The following CDH1 variants were observed in gnomAD, a reference collection of about 807,000 sequenced individuals.
CDH1 encodes the protein cadherin-1.
In CDH1, 35 loss-of-function variants were observed where a neutral mutation model predicts 84.5. The observed-to-expected ratio is 0.41, with a 90% confidence interval of 0.32 to 0.55. The LOEUF is 0.55. CDH1 is among the 20% of genes least tolerant of loss of function. The pLI, the probability that CDH1 is intolerant of heterozygous loss-of-function variation, is 0.19. For synonymous variants in CDH1, 417 were observed against 439.0 expected (o/e 0.95, Z 0.63); for missense variants, 994 against 1,126.6 (o/e 0.88, Z 1.68).
At chr16:68,757,935 A>C (rs1963057099) in intron 2 of CDH1, among the ~76,000 whole-genome samples, 1 of 148,466 alleles carries the variant, frequency 6.7e-6, no homozygotes, top group African/African-American at 2.5e-5. Flanking sequence ...AGTAGCTGGG[A>C]CTACAGGTGC....
In CDH1 at chr16:68,794,654, G is replaced by C. The variant is rs145906934; in HGVS notation, c.164-7016G>C. On this transcript the variant is annotated intron_variant, in intron 2 of 15. Transcript: ENST00000261769. Reference sequence around the variant, plus strand: ...TCTGCCTCAGCCTCTCTAATATCTAGGACTACAGGTGCACCAACATGCCGG... The same window carrying C: ...TCTGCCTCAGCCTCTCTAATATCTACGACTACAGGTGCACCAACATGCCGG... Among the ~76,000 whole-genome samples, 165 of 151,160 alleles carry C rather than the reference G, an allele frequency of 1.1e-3. 1 individual carries two copies. Among genetic ancestry groups the C allele is most frequent in the African/African-American group, 3.8e-3 (155 of 41,222 alleles).
rs3785077 is a variant in CDH1 at position 68,828,640 on chromosome 16, G to A, written c.2295+336G>A. Among the ~76,000 whole-genome samples, 581 of 152,300 alleles carry A rather than the reference G, an allele frequency of 3.8e-3. 7 individuals carry two copies. The highest frequency in any genetic ancestry group is 0.029 in the East Asian group (148 of 5,184). On this transcript the variant is annotated intron_variant, in intron 14 of 15. Coordinates refer to ENST00000261769, the MANE Select transcript of CDH1 (RefSeq NM_004360.5). ...CCTTCCTCATTGCCATTCTCTGGAC[G>A]TGAACTTCAGCCAGATTCTCTTTGA...
chr16:68,772,806 G>T lies in CDH1; in HGVS notation c.164-28864G>T, dbSNP rs113838225. Among the ~76,000 whole-genome samples the T allele has an allele frequency of 6.2e-4, 95 of 152,038 alleles. No individual in the cohort carries two copies. The Middle Eastern group carries it at 0.01, about 16-fold the overall frequency. On this transcript the variant is annotated intron_variant, in intron 2 of 15. Transcript: ENST00000261769. ...AAAAAGTACAAAAAAATTACCTGGG[G>T]GTCCCAGCTACCCAGAAGGCTGAGG...
chr16:68,831,230 C>A (rs1307492541), intron 15 of CDH1, among the ~76,000 whole-genome samples: 1 of 150,116 alleles, frequency 6.7e-6, no homozygotes, highest in Non-Finnish European at 1.5e-5. Flanking sequence ...AGGCACCTGC[C>A]ATCAAGCCTG....
intron 13 of CDH1, among the ~76,000 whole-genome samples, chr16:68,824,583 A>T (rs1437509194): frequency 1.3e-5 from 2 of 152,188 alleles, no homozygotes; most frequent in African/African-American, 2.4e-5. Flanking sequence ...TACAATTGAA[A>T]ATTGACATGG....
intron 2 of CDH1, among the ~76,000 whole-genome samples, chr16:68,799,374 G>C (rs369765601): frequency 2.6e-5 from 4 of 152,124 alleles, no homozygotes; most frequent in East Asian, 3.9e-4. Flanking sequence ...GGGTCAGGTG[G>C]GCGACTCTTT....
chr16:68,818,265 A>G (rs1407290326), intron 10 of CDH1, among the ~76,000 whole-genome samples: 15 of 151,820 alleles, frequency 9.9e-5, no homozygotes, highest in Non-Finnish European at 7.4e-5. Context: ...GAAAAGAAAA[A>G]AAAAGAAAAT....
At chr16:68,773,947 C>T (rs547327245) in intron 2 of CDH1, among the ~76,000 whole-genome samples, 2 of 152,292 alleles carry the variant, frequency 1.3e-5, no homozygotes, top group South Asian at 2.1e-4. Flanking sequence ...GACAGGGCCA[C>T]GTTCTGTCAC....
At chr16:68,806,532 C>T (rs1960667147) in intron 3 of CDH1, among the ~76,000 whole-genome samples, 1 of 152,112 alleles carries the variant, frequency 6.6e-6, no homozygotes, top group Non-Finnish European at 1.5e-5. Context: ...TCAGTGTTTT[C>T]CAACCAGTCC....
chr16:68,783,424 A>G (rs1223806441), intron 2 of CDH1, among the ~76,000 whole-genome samples: 2 of 151,962 alleles, frequency 1.3e-5, no homozygotes, highest in East Asian at 1.9e-4. Flanking sequence ...AAAAAAGAAA[A>G]AAAAGTTTGT....
chr16:68,751,506 T>C (rs1303861920), intron 2 of CDH1, among the ~76,000 whole-genome samples: 1 of 151,682 alleles, frequency 6.6e-6, no homozygotes, highest in Non-Finnish European at 1.5e-5. Context: ...ATTTATTTAT[T>C]TATTTATTTA....
At chr16:68,747,099 A>G (rs1452349781) in intron 2 of CDH1, among the ~76,000 whole-genome samples, 2 of 152,184 alleles carry the variant, frequency 1.3e-5, no homozygotes, top group African/African-American at 4.8e-5. Context: ...TCAGCAGGTA[A>G]TTCCAGTAGG....
intron 2 of CDH1, among the ~76,000 whole-genome samples, chr16:68,773,185 G>A (rs8044058): frequency 0.28 from 42,375 of 151,718 alleles, 5,955 homozygotes; most frequent in Middle Eastern, 0.32. Context: ...TGTTTTGTGT[G>A]TTCCCGTGCT....
intron 2 of CDH1, among the ~76,000 whole-genome samples, chr16:68,750,807 C>A (rs1180389675): frequency 6.6e-6 from 1 of 151,468 alleles, no homozygotes; most frequent in Non-Finnish European, 1.5e-5. Context: ...CGGGCTCAAG[C>A]AATCCTCCCA....
chr16:68,742,807 A>T (rs755721602), intron 2 of CDH1, among the ~76,000 whole-genome samples: 1 of 152,102 alleles, frequency 6.6e-6, no homozygotes, highest in Non-Finnish European at 1.5e-5. Context: ...TAAAAAGCAA[A>T]CCCAGAAACC....
chr16:68,786,776 T>C (rs1057062072), intron 2 of CDH1, among the ~76,000 whole-genome samples: 1 of 152,296 alleles, frequency 6.6e-6, no homozygotes, highest in East Asian at 1.9e-4. Context: ...GTGAGCTCTA[T>C]TGGACAAGTG....
At chr16:68,811,298 G>A (rs1960817814) in intron 6 of CDH1, among the ~76,000 whole-genome samples, 1 of 150,432 alleles carries the variant, frequency 6.6e-6, no homozygotes, top group Non-Finnish European at 1.5e-5. Context: ...TTGGGAGGCT[G>A]AAGCAGGAGA....
chr16:68,774,475 G>C (rs1035886967), intron 2 of CDH1, among the ~76,000 whole-genome samples: 3 of 152,074 alleles, frequency 2.0e-5, no homozygotes, highest in Admixed American at 6.6e-5. Flanking sequence ...AGCCAAGATT[G>C]CACCACTGCA....
intron 2 of CDH1, among the ~76,000 whole-genome samples, chr16:68,782,796 C>G (rs1959921038): frequency 6.6e-6 from 1 of 152,156 alleles, no homozygotes; most frequent in South Asian, 2.1e-4. Flanking sequence ...TCACCCCACA[C>G]AGGGTTCCTT....
Sources: allele counts gnomAD v4.1 joint callset (sites outside exome capture counted in the v4.1 genomes callset), GRCh38; gene constraint gnomAD v4.1.1; transcripts MANE v1.5; gene names NCBI Gene and HGNC (gene_info 2026-07-23, HGNC 2026-07-21).